The following NEK5 variants were observed in gnomAD, a reference collection of about 807,000 sequenced individuals.
The protein encoded by NEK5 is NIMA related kinase 5, also known as serine/threonine-protein kinase Nek5.
A neutral mutation model predicts 109.2 loss-of-function variants in NEK5; 88 were observed. That is an observed-to-expected ratio of 0.81 (90% CI 0.68 to 0.96). NEK5 has a LOEUF of 0.96. Among genes scored for constraint, NEK5 ranks in the 40% least tolerant of loss-of-function variants. The pLI is 0.00. For missense variants in NEK5, 834 were observed against 920.7 expected, an observed-to-expected ratio of 0.91 and a Z score of 1.22; for synonymous variants, 283 against 299.9, an observed-to-expected ratio of 0.94 and a Z score of 0.58.
intron 20 of NEK5, 65 bp from the exon 21 acceptor site, chr13:52,065,674 C>A (rs1235348574): frequency 2.5e-6 from 3 of 1,197,966 alleles, no homozygotes; most frequent in Non-Finnish European, 3.7e-6. Context: ...GTCCCAAACA[C>A]TTCTTAGGAA....
chr13:52,071,621 A>G (rs572042758), intron 20 of NEK5, among the ~76,000 whole-genome samples: 2 of 152,316 alleles, frequency 1.3e-5, no homozygotes, highest in African/African-American at 4.8e-5. Flanking sequence ...TTGACTTTAC[A>G]CAGCTGAGTT....
chr13:52,063,406 G>A (rs1185698093), intron 21 of NEK5, among the ~76,000 whole-genome samples: 9 of 152,196 alleles, frequency 5.9e-5, no homozygotes, highest in Non-Finnish European at 1.2e-4. Context: ...GTGCAGTGGC[G>A]TGATCGCGGC....
At chr13:52,109,593 C>T (rs1385996780) in intron 7 of NEK5, among the ~76,000 whole-genome samples, 9 of 152,056 alleles carry the variant, frequency 5.9e-5, no homozygotes, top group Non-Finnish European at 1.3e-4. Flanking sequence ...AAGAGTCTGG[C>T]ACCTTTTTAA....
At chr13:52,053,890 T>C (rs1265948516) in intron 22 of NEK5, among the ~76,000 whole-genome samples, 1 of 152,238 alleles carries the variant, frequency 6.6e-6, no homozygotes, top group African/African-American at 2.4e-5. Context: ...TTCCTTCTAC[T>C]GCACCTTGTC....
intron 17 of NEK5, chr13:52,082,372 C>T: frequency 1.7e-6 from 2 of 1,179,130 alleles, no homozygotes; most frequent in Non-Finnish European, 1.1e-6. Context: ...AATCTTCTTA[C>T]TAAGCAAAAA....
intron 17 of NEK5, among the ~76,000 whole-genome samples, chr13:52,078,087 A>G (rs1252913502): frequency 2.6e-5 from 4 of 152,136 alleles, no homozygotes; most frequent in Admixed American, 1.3e-4. Context: ...AAAAAAAAAA[A>G]AGATTTGTAT....
chr13:52,087,267 C>T, intron 15 of NEK5, 71 bp downstream of exon 15: 1 of 791,864 alleles, frequency 1.3e-6, no homozygotes, highest in Non-Finnish European at 2.2e-6. Context: ...AGAAGTAACT[C>T]CCTATTACAG....
At chr13:52,079,703 G>A (rs1334746761) in intron 17 of NEK5, among the ~76,000 whole-genome samples, 1 of 152,262 alleles carries the variant, frequency 6.6e-6, no homozygotes, top group African/African-American at 2.4e-5. Context: ...CGAGATTGCA[G>A]CCTCTGCCCG....
At chr13:52,065,685 C>T (rs1316964346) in intron 20 of NEK5, 76 bp from the exon 21 acceptor site, 2 of 1,032,918 alleles carry the variant, frequency 1.9e-6, no homozygotes, top group Non-Finnish European at 2.9e-6. Context: ...TTCTTAGGAA[C>T]TCAGAGGCAG....
At chr13:52,077,473 G>A (rs539906759) in intron 17 of NEK5, among the ~76,000 whole-genome samples, 1 of 152,320 alleles carries the variant, frequency 6.6e-6, no homozygotes, top group African/African-American at 2.4e-5. Flanking sequence ...TGCGGGGATG[G>A]GGAACTGAAG....
Position 52,065,563 on chromosome 13 carries a change from C to A in NEK5, c.1896G>T (p.Trp632Cys). The change falls in exon 21 of 24, where the codon TGG becomes TGT. Residue 632 changes from tryptophan (W) to cysteine (C), a missense_variant. Physicochemically the swap from Trp to Cys is radical, Grantham distance 215. This residue lies in a region of NEK5 where 777 missense variants were observed against 824.7 expected (regional missense o/e 0.94). Transcript: ENST00000684899. ...GCAGAGTCTGAGGCGCTCCTCCATC[C>A]CACTGCCTCCTGTTTCCCACAGCAG... ...TVAAVGNRRQ[W>C]DGGAPQTLLQ... The A allele has an allele frequency of 6.2e-7, 1 of 1,614,052 alleles. No individual in the cohort carries two copies. The highest frequency in any genetic ancestry group is 8.5e-7 in the Non-Finnish European group (1 of 1,179,884).
chr13:52,086,171 A>C (rs77575287), intron 16 of NEK5, 106 bp downstream of exon 16: 87,707 of 797,748 alleles, frequency 0.11, 5,224 homozygotes, highest in Middle Eastern at 0.15. Context: ...TATCTCTATG[A>C]TAAAACTTTA....
chr13:52,084,376 A>T (rs1955074977), intron 16 of NEK5, among the ~76,000 whole-genome samples: 1 of 151,764 alleles, frequency 6.6e-6, no homozygotes, highest in African/African-American at 2.4e-5. Flanking sequence ...TGCCACCATG[A>T]CCCACTAATT....
At chr13:52,064,288 G>T (rs1320888197) in intron 21 of NEK5, among the ~76,000 whole-genome samples, 1 of 133,498 alleles carries the variant, frequency 7.5e-6, no homozygotes, top group African/African-American at 2.8e-5. Flanking sequence ...GCCTCTGCCC[G>T]GCCGCCCCTA....
At chr13:52,077,546 TG>T (rs1358407126) in intron 17 of NEK5, among the ~76,000 whole-genome samples, 3 of 151,964 alleles carry the variant, frequency 2.0e-5, no homozygotes, top group African/African-American at 7.2e-5. Context: ...AGACAAGGCT[TG>T]GGGGGTATTA....
rs5803591 is a variant in NEK5, at chr13:52,068,466, T to TACACACAC, written c.1850-2865_1850-2858dup. Among the ~76,000 whole-genome samples the TACACACAC allele has an allele frequency of 1.4e-3, 204 of 148,238 alleles. 3 individuals carry two copies. Among genetic ancestry groups the TACACACAC allele is most frequent in the East Asian group, 3.2e-3 (16 of 5,026 alleles). On this transcript the variant is annotated intron_variant, in intron 20 of 23. Transcript: ENST00000684899. ...ATTCCTAAGTGGATGAATACACAAA[T>TACACACAC]ACACACACACACACACACACACACA...
intron 14 of NEK5, among the ~76,000 whole-genome samples, chr13:52,088,740 C>T (rs964636940): frequency 6.6e-6 from 1 of 152,010 alleles, no homozygotes; most frequent in African/African-American, 2.4e-5. Context: ...AGGAAGAAAC[C>T]GGACTGCTAA....
chr13:52,113,322 A>G (rs1449007738), intron 4 of NEK5, among the ~76,000 whole-genome samples: 1 of 152,092 alleles, frequency 6.6e-6, no homozygotes, highest in African/African-American at 2.4e-5. Flanking sequence ...TAATCTACCA[A>G]CTATAATTCT....
intron 23 of NEK5, among the ~76,000 whole-genome samples, chr13:52,037,792 G>A (rs1376113177): frequency 2.6e-5 from 4 of 152,102 alleles, no homozygotes; most frequent in African/African-American, 7.2e-5. Flanking sequence ...GCGTGGTACC[G>A]GGCGCCTGTA....
Sources: allele counts gnomAD v4.1 joint callset (sites outside exome capture counted in the v4.1 genomes callset), GRCh38; gene constraint gnomAD v4.1.1; regional missense constraint gnomAD v4.1.1; transcripts MANE v1.5; gene names NCBI Gene and HGNC (gene_info 2026-07-23, HGNC 2026-07-21).